KCNIP4: variants seen among roughly 807,000 people sequenced by gnomAD.
KCNIP4 encodes potassium voltage-gated channel interacting protein 4, also known as Kv channel-interacting protein 4.
KCNIP4 carries 12 observed loss-of-function variants against 34.0 expected under a neutral mutation model. The observed-to-expected ratio is 0.35, with a 90% CI of 0.23 to 0.57. The LOEUF (loss-of-function observed/expected upper bound fraction) is 0.57. Among genes scored for constraint, KCNIP4 ranks in the 20% least tolerant of loss-of-function variants. The probability of loss-of-function intolerance (pLI) is 0.83; values close to 1 mark genes in which losing one functional copy is unlikely to be tolerated. For missense variants in KCNIP4, 238 were observed against 311.7 expected (o/e 0.76, Z 1.78); for synonymous variants, 124 against 102.2 (o/e 1.21, Z -1.29).
chr4:21,087,754 T>C (rs1746597226), intron 1 of KCNIP4, among the ~76,000 whole-genome samples: 1 of 152,166 alleles, frequency 6.6e-6, no homozygotes, highest in Admixed American at 6.5e-5. Context: ...ATCATACATA[T>C]CTGTCAGCAG....
At chr4:20,897,356 C>T (rs1364820726) in intron 1 of KCNIP4, among the ~76,000 whole-genome samples, 1 of 152,060 alleles carries the variant, frequency 6.6e-6, no homozygotes, top group South Asian at 2.1e-4. Context: ...CTCTCCCTTA[C>T]CTCCTTCAGG....
intron 1 of KCNIP4, among the ~76,000 whole-genome samples, chr4:21,560,761 G>C (rs1739438502): frequency 6.6e-6 from 1 of 151,950 alleles, no homozygotes; most frequent in Non-Finnish European, 1.5e-5. Flanking sequence ...CCTTTGGAGA[G>C]GTTAATAAAG....
chr4:20,766,430 G>C (rs186335406), intron 3 of KCNIP4, among the ~76,000 whole-genome samples: 11 of 152,256 alleles, frequency 7.2e-5, no homozygotes, highest in African/African-American at 2.6e-4. Context: ...GCCAGGCGTG[G>C]TGGCACATGC....
chr4:21,649,387 A>G (rs1370609756), intron 1 of KCNIP4, among the ~76,000 whole-genome samples: 1 of 152,194 alleles, frequency 6.6e-6, no homozygotes, highest in Admixed American at 6.5e-5. Context: ...TCTTAACATT[A>G]TACTACATAC....
intron 1 of KCNIP4, among the ~76,000 whole-genome samples, chr4:21,060,217 C>T (rs1430743843): frequency 2.0e-5 from 3 of 152,096 alleles, no homozygotes; most frequent in African/African-American, 7.2e-5. Flanking sequence ...TGAATAACAA[C>T]TCTGGCAACT....
chr4:21,010,050 C>T (rs1738933673), intron 1 of KCNIP4, among the ~76,000 whole-genome samples: 1 of 152,180 alleles, frequency 6.6e-6, no homozygotes, highest in African/African-American at 2.4e-5. Context: ...ATGACCTAAC[C>T]CAACCCTAAT....
chr4:21,831,574 T>C (rs1048289446), intron 1 of KCNIP4, among the ~76,000 whole-genome samples: 9 of 142,114 alleles, frequency 6.3e-5, no homozygotes, highest in Middle Eastern at 4.0e-3. Flanking sequence ...CCTAGCAGCA[T>C]ACATGTCCCA....
chr4:21,501,986 TGC>T (rs1733397082), intron 1 of KCNIP4, among the ~76,000 whole-genome samples: 1 of 102,326 alleles, frequency 9.8e-6, no homozygotes, highest in African/African-American at 4.4e-5. Flanking sequence ...CTCTCTCTCA[TGC>T]ACACGCACAC....
intron 1 of KCNIP4, among the ~76,000 whole-genome samples, chr4:21,589,994 A>G (rs1012945772): frequency 5.3e-5 from 8 of 152,014 alleles, no homozygotes; most frequent in African/African-American, 1.4e-4. Flanking sequence ...ATTTGGAAGG[A>G]GCAACTAGAA....
intron 1 of KCNIP4, among the ~76,000 whole-genome samples, chr4:20,942,319 A>T (rs1340160621): frequency 1.3e-5 from 2 of 152,216 alleles, no homozygotes; most frequent in Non-Finnish European, 2.9e-5. Flanking sequence ...CAGATAAAAC[A>T]GCTAGGATTT....
intron 1 of KCNIP4, among the ~76,000 whole-genome samples, chr4:21,301,498 A>G (rs751594605): frequency 1.3e-5 from 2 of 152,132 alleles, no homozygotes; most frequent in Non-Finnish European, 2.9e-5. Flanking sequence ...AAATTCTTTC[A>G]TAGGACAATT....
At chr4:20,764,471 C>T (rs1397345018) in intron 3 of KCNIP4, among the ~76,000 whole-genome samples, 2 of 152,040 alleles carry the variant, frequency 1.3e-5, no homozygotes, top group African/African-American at 4.8e-5. Flanking sequence ...ATATTCTATG[C>T]ATCCTTCTGT....
chr4:21,307,201 G>A (rs564571468), intron 1 of KCNIP4, among the ~76,000 whole-genome samples: 2 of 152,094 alleles, frequency 1.3e-5, no homozygotes, highest in Non-Finnish European at 1.5e-5. Context: ...AAAATTACGG[G>A]TTCCTTTGCT....
At chr4:21,214,998 G>A (rs749635751) in intron 1 of KCNIP4, among the ~76,000 whole-genome samples, 8 of 152,108 alleles carry the variant, frequency 5.3e-5, no homozygotes, top group Non-Finnish European at 8.8e-5. Flanking sequence ...ACTGATATCA[G>A]ACATGCAGTG....
chr4:21,369,031 G>A (rs997728990), intron 1 of KCNIP4, among the ~76,000 whole-genome samples: 1 of 146,954 alleles, frequency 6.8e-6, no homozygotes, highest in East Asian at 2.0e-4. Context: ...GCAGTAAAGG[G>A]ATGCAGAGCA....
rs1560490379 is a variant in KCNIP4, at chr4:21,528,792, AAAGGAAGAAAGGAAGGAAGGAAGG to A, written c.61+419755_61+419778del. Among the ~76,000 whole-genome samples the A allele has an allele frequency of 1.1e-3, 23 of 20,346 alleles. 4 individuals carry two copies. Among genetic ancestry groups the A allele is most frequent in the African/African-American group, 4.1e-3 (21 of 5,116 alleles). 13.3% of individuals were successfully genotyped at this position (20,346 alleles called of 152,430 possible). A position where few individuals can be genotyped will look rare whatever the true frequency, so the allele number is the denominator to read the frequency against. ...GAAAGAAAGAAAGGAAGAAAGGAAG[AAAGGAAGAAAGGAAGGAAGGAAGG>A]AAGGAAGGAAGGAAGGAAGGAAGGA... On this transcript the variant is annotated intron_variant, in intron 1 of 8. Transcript: ENST00000382152.
At chr4:20,819,223 G>A (rs939995778) in intron 3 of KCNIP4, among the ~76,000 whole-genome samples, 32 of 151,572 alleles carry the variant, frequency 2.1e-4, no homozygotes, top group African/African-American at 6.8e-4. Flanking sequence ...TCATTATCTC[G>A]TTTTACGGAT....
intron 3 of KCNIP4, among the ~76,000 whole-genome samples, chr4:20,769,960 A>G (rs187945031): frequency 6.6e-6 from 1 of 152,218 alleles, no homozygotes; most frequent in Non-Finnish European, 1.5e-5. Flanking sequence ...TCATCTCTGT[A>G]TCTTAAGGTC....
intron 1 of KCNIP4, among the ~76,000 whole-genome samples, chr4:21,435,626 G>A (rs146343422): frequency 2.0e-5 from 3 of 152,268 alleles, no homozygotes; most frequent in African/African-American, 4.8e-5. Flanking sequence ...GAAGTTAATT[G>A]AGGACTGACA....
Sources: gnomAD v4.1 joint callset for allele counts (sites outside exome capture counted in the v4.1 genomes callset) on GRCh38, gnomAD v4.1.1 for gene constraint, MANE v1.5 for transcripts, NCBI Gene and HGNC (gene_info 2026-07-23, HGNC 2026-07-21) for gene names.